Variants in NPAP1 observed in about 807,000 individuals in gnomAD.
NPAP1 encodes the protein nuclear pore-associated protein 1.
For missense variants in NPAP1, 1,483 were observed against 1,454.5 expected (o/e 1.02, Z -0.32); for synonymous variants, 616 against 581.4 (o/e 1.06, Z -0.86).
rs2048990014 is a variant in NPAP1, at chr15:24,678,096, A to G, written c.2229A>G (p.Gln743=). 1 of 1,613,552 alleles carries G rather than the reference A, an allele frequency of 6.2e-7. No individual in the cohort carries two copies. The highest frequency in any genetic ancestry group is 8.5e-7 in the Non-Finnish European group (1 of 1,179,944). ...CCAGCGGCAACACTGCCTCAGTCCA[A>G]GGCTCCACCAGTTTGCCTGCACAGT... ...TQPSGNTASV[Q]GSTSLPAQSV... Residue 743 remains glutamine (Q), a synonymous_variant, in exon 1 of 1, where the codon CAA becomes CAG. Coordinates refer to ENST00000329468, the MANE Select transcript of NPAP1 (RefSeq NM_018958.3).
chr15:24,676,400 C>G lies in NPAP1; in HGVS notation c.533C>G (p.Thr178Ser), dbSNP rs200484163. The G allele has an allele frequency of 6.3e-7, 1 of 1,580,860 alleles. No homozygotes were observed. Among genetic ancestry groups the G allele is most frequent in the South Asian group, 1.2e-5 (1 of 85,166 alleles). The change falls in exon 1 of 1, where the codon ACC becomes AGC. Residue 178 changes from threonine (T) to serine (S), a missense_variant. Transcript: ENST00000329468. ...GAAGGGGAGGATGACGAGAAAAGGACCCCCCTTAGCAGCGGAGAAGCATCG... is the reference window on the plus strand; with the variant it reads ...GAAGGGGAGGATGACGAGAAAAGGAGCCCCCTTAGCAGCGGAGAAGCATCG... ...QIEGEDDEKR[T>S]PLSSGEASST...
rs1595616287 is a variant in NPAP1, at chr15:24,678,163, C to A, written c.2296C>A (p.Pro766Thr). The change falls in exon 1 of 1, where the codon CCA becomes ACA. Residue 766 changes from proline to threonine, a missense_variant. Transcript: ENST00000329468. ...PATASNHPLN[P>T]GATPQPKFGA... is the part of the protein sequence containing the mutation. ...TACAGCTTCCAACCATCCTTTAAATCCAGGAGCCACCCCTCAACCCAAATT... is the reference window on the plus strand; with the variant it reads ...TACAGCTTCCAACCATCCTTTAAATACAGGAGCCACCCCTCAACCCAAATT... 3 of 1,607,770 alleles carry A rather than the reference C, an allele frequency of 1.9e-6. No individual in the cohort carries two copies. Among genetic ancestry groups the A allele is most frequent in the Admixed American group, 1.7e-5 (1 of 59,284 alleles).
rs552352809 is a variant in NPAP1 at position 24,682,824 on chromosome 15, T to C, written c.*3486T>C. On this transcript the variant is annotated 3_prime_UTR_variant, in exon 1 of 1. Coordinates refer to ENST00000329468, the MANE Select transcript of NPAP1 (RefSeq NM_018958.3). Reference sequence around the variant, plus strand: ...TGAATCCCTTCCTTTTCCAGAAACCTTGAGCCTCCTCCACTGGTTTGGGAG... The same window carrying C: ...TGAATCCCTTCCTTTTCCAGAAACCCTGAGCCTCCTCCACTGGTTTGGGAG... 22 of 167,222 alleles carry C rather than the reference T, an allele frequency of 1.3e-4. No individual in the cohort carries two copies. The Admixed American group carries it at 1.4e-3, about 10-fold the overall frequency. 10.4% of individuals were successfully genotyped at this position (167,222 alleles called of 1,614,324 possible).
chr15:24,679,312 A>G lies in NPAP1; in HGVS notation c.3445A>G (p.Arg1149Gly), dbSNP rs2049001803. 1 of 1,613,052 alleles carries G rather than the reference A, an allele frequency of 6.2e-7. No homozygotes were observed. The highest frequency in any genetic ancestry group is 8.5e-7 in the Non-Finnish European group (1 of 1,179,604). ...CTATGGACAAGAAACATATGTTAGG[A>G]GACATGTCTGTTTCCAACTTCCGTA... ...HYYGQETYVR[R>G]HVCFQLP Residue 1149 changes from arginine to glycine, a missense_variant, in exon 1 of 1, where the codon AGA becomes GGA. Arg to Gly is a moderately radical substitution (Grantham distance 125). Coordinates refer to ENST00000329468, the MANE Select transcript of NPAP1 (RefSeq NM_018958.3).
At position 24,677,858 on chromosome 15, in the gene NPAP1, C is replaced by T. The variant is rs1342340248; in HGVS notation, c.1991C>T (p.Ala664Val). The T allele has an allele frequency of 6.2e-7, 1 of 1,613,862 alleles. No homozygotes were observed. The highest frequency in any genetic ancestry group is 8.5e-7 in the Non-Finnish European group (1 of 1,179,988). The change falls in exon 1 of 1, where the codon GCC (alanine) becomes GTC (valine). Residue 664 changes from alanine to valine, a missense_variant. Transcript: ENST00000329468. Reference sequence around the variant, plus strand: ...CCGCAGAAAGCTTCTCTCCCCAGTGCCTGTGTTTTCCTGAGCCTTCCCATC... The same window carrying T: ...CCGCAGAAAGCTTCTCTCCCCAGTGTCTGTGTTTTCCTGAGCCTTCCCATC... ...GQPQKASLPSACVFLSLPIIP... is the reference protein window; with the variant it reads ...GQPQKASLPSVCVFLSLPIIP...
At position 24,676,624 on chromosome 15, in the gene NPAP1, G is replaced by A. The variant is rs1563102; in HGVS notation, c.757G>A (p.Gly253Arg). ...HSQAGCARHL[G>R]KPDPDATAPP... ...CCAGGCCGGATGTGCCCGGCATCTT[G>A]GAAAGCCTGATCCGGATGCAACAGC... is the stretch of plus-strand genomic sequence containing the variant. Residue 253 changes from glycine to arginine, a missense_variant, in exon 1 of 1, where the codon GGA becomes AGA. By Grantham distance (125) the Gly-to-Arg change is moderately radical (BLOSUM62 -2). Coordinates refer to ENST00000329468, the MANE Select transcript of NPAP1 (RefSeq NM_018958.3). 6.2e-7 allele frequency: 1 copy of A among 1,613,608 alleles called. No individual in the cohort carries two copies. The highest frequency in any genetic ancestry group is 8.5e-7 in the Non-Finnish European group (1 of 1,179,844).
rs762382044 is a variant in NPAP1 at position 24,678,567 on chromosome 15, A to G, written c.2700A>G (p.Thr900=). ...ATACAGGATCCATCTCTCATTCCAC[A>G]CTTGGGGCCACTGATGGGCAGCAGA... ...PLNTGSISHS[T]LGATDGQQKS... Residue 900 remains threonine (T), a synonymous_variant, in exon 1 of 1, where the codon ACA becomes ACG. Transcript: ENST00000329468. The G allele has an allele frequency of 3.1e-6, 5 of 1,613,992 alleles. No homozygotes were observed. The highest frequency in any genetic ancestry group is 4.2e-6 in the Non-Finnish European group (5 of 1,180,046).
rs779832276 is a variant in NPAP1 at position 24,678,865 on chromosome 15, A to G, written c.2998A>G (p.Asn1000Asp). 1.2e-6 allele frequency: 2 copies of G among 1,614,184 alleles called. No individual in the cohort carries two copies. Among genetic ancestry groups the G allele is most frequent in the Non-Finnish European group, 1.7e-6 (2 of 1,180,030 alleles). The change falls in exon 1 of 1, where the codon AAT (asparagine) becomes GAT (aspartate). Residue 1000 changes from asparagine to aspartate, a missense_variant. Transcript: ENST00000329468. ...GTGDSTLLVG[N>D]TIPGPQVIMG... ...TGGAGACAGTACCTTACTGGTTGGA[A>G]ATACTATTCCAGGCCCACAAGTGAT...
Position 24,677,355 on chromosome 15 carries a change from C to T in NPAP1, c.1488C>T (p.Asp496=), listed in dbSNP as rs201829408. The T allele has an allele frequency of 3.0e-5, 48 of 1,613,588 alleles. No individual in the cohort carries two copies. The highest frequency in any genetic ancestry group is 1.7e-5 in the Admixed American group (1 of 59,970). ...TAGGAGCAGCGCCTCTCACTTCTGA[C>T]CCCCCAACACCTCCTAGCTCCACAC... ...SVVGAAPLTS[D]PPTPPSSTPS... Residue 496 remains aspartate (D), a synonymous_variant, in exon 1 of 1, where the codon GAC becomes GAT. Coordinates refer to ENST00000329468, the MANE Select transcript of NPAP1 (RefSeq NM_018958.3).
At position 24,676,743 on chromosome 15, in the gene NPAP1, G is replaced by A. The variant is rs2141308687; in HGVS notation, c.876G>A (p.Leu292=). 6.2e-7 allele frequency: 1 copy of A among 1,613,934 alleles called. No homozygotes were observed. The highest frequency in any genetic ancestry group is 8.5e-7 in the Non-Finnish European group (1 of 1,180,032). ...NEEPPPSSLG[L]PIPLMSGKRM... The stretch of plus-strand genomic sequence containing the variant: ...AGCCACCGCCCAGCTCCCTAGGCTT[G>A]CCGATTCCGCTGATGTCCGGAAAGA... Residue 292 remains leucine, a synonymous_variant, in exon 1 of 1, where the codon TTG becomes TTA. Coordinates refer to ENST00000329468, the MANE Select transcript of NPAP1 (RefSeq NM_018958.3).
In NPAP1 at chr15:24,678,131, C is replaced by T. The variant is rs2141311924; in HGVS notation, c.2264C>T (p.Ala755Val). 6.2e-7 allele frequency: 1 copy of T among 1,612,936 alleles called. No homozygotes were observed. The highest frequency in any genetic ancestry group is 8.5e-7 in the Non-Finnish European group (1 of 1,179,744). ...STSLPAQSVR[A>V]PATASNHPLN... is the part of the protein sequence containing the mutation. ...AGTTTGCCTGCACAGTCAGTCAGGGCACCAGCTACAGCTTCCAACCATCCT... is the reference window on the plus strand; with the variant it reads ...AGTTTGCCTGCACAGTCAGTCAGGGTACCAGCTACAGCTTCCAACCATCCT... The change falls in exon 1 of 1, where the codon GCA (alanine) becomes GTA (valine). Residue 755 changes from alanine to valine, a missense_variant. Coordinates refer to ENST00000329468, the MANE Select transcript of NPAP1 (RefSeq NM_018958.3).
rs1033501523 is a variant in NPAP1 at position 24,681,780 on chromosome 15, T to TGATA, written c.*2451_*2454dup. The TGATA allele has an allele frequency of 1.2e-5, 2 of 166,634 alleles. No individual in the cohort carries two copies. The highest frequency in any genetic ancestry group is 4.2e-4 in the South Asian group (2 of 4,806). 10.3% of individuals were successfully genotyped at this position (166,634 alleles called of 1,614,324 possible). On this transcript the variant is annotated 3_prime_UTR_variant, in exon 1 of 1. Coordinates refer to ENST00000329468, the MANE Select transcript of NPAP1 (RefSeq NM_018958.3). ...GAACTGACTAATAAAGATAGATAGATGATAGATAGATACATAGATAGATGA... is the reference window on the plus strand; with the variant it reads ...GAACTGACTAATAAAGATAGATAGATGATAGATAGATAGATACATAGATAGATGA...
rs756981560 is a variant in NPAP1, at chr15:24,678,004, T to A, written c.2137T>A (p.Ser713Thr). The A allele has an allele frequency of 4.3e-6, 7 of 1,614,120 alleles. No individual in the cohort carries two copies. In the Admixed American group the frequency reaches 6.7e-5, roughly 15 times the overall value. The change falls in exon 1 of 1, where the codon TCT (serine) becomes ACT (threonine). Residue 713 changes from serine to threonine, a missense_variant. By Grantham distance (58) the Ser-to-Thr change is moderately conservative (BLOSUM62 1). Coordinates refer to ENST00000329468, the MANE Select transcript of NPAP1 (RefSeq NM_018958.3). The part of the protein sequence containing the change: ...TPPSKAVILQ[S>T]ASVSKKYLPF... The stretch of plus-strand genomic sequence containing the variant: ...TCCTTCCAAGGCTGTCATCTTGCAG[T>A]CTGCCTCTGTCTCCAAGAAGTACCT...
At position 24,679,578 on chromosome 15, in the gene NPAP1, C is replaced by T; in HGVS notation, c.*240C>T. On this transcript the variant is annotated 3_prime_UTR_variant, in exon 1 of 1. Coordinates refer to ENST00000329468, the MANE Select transcript of NPAP1 (RefSeq NM_018958.3). ...GTGGTGCATCTGCAGTGAATGGCAA[C>T]ATATCTTTAATTAGAGGCCCTTGTG... 1.8e-6 allele frequency: 1 copy of T among 545,086 alleles called. No individual in the cohort carries two copies. The highest frequency in any genetic ancestry group is 2.4e-5 in the South Asian group (1 of 41,582). 33.8% of individuals were successfully genotyped at this position (545,086 alleles called of 1,614,324 possible).
chr15:24,680,871 G>A lies in NPAP1; in HGVS notation c.*1533G>A, dbSNP rs2049012826. 1.2e-5 allele frequency: 2 copies of A among 167,108 alleles called. No individual in the cohort carries two copies. Among genetic ancestry groups the A allele is most frequent in the South Asian group, 2.1e-4 (1 of 4,832 alleles). The allele number at this position is 167,108 out of a possible 1,614,324, so 10.4% of individuals were successfully genotyped here. A position where few individuals can be genotyped will look rare whatever the true frequency, so the allele number is the denominator to read the frequency against. ...ATTATCTGGTAAATTAGCCAGTAAC[G>A]AATGCTATGAAAAATAAAGAAGTAC... On this transcript the variant is annotated 3_prime_UTR_variant, in exon 1 of 1. Transcript: ENST00000329468.
rs2141308213 is a variant in NPAP1, at chr15:24,676,527, C to T, written c.660C>T (p.Ser220=). ...GNVYHKFSEN[S]MSEKAQASPA... is the part of the protein sequence containing the mutation. ...TCTACCACAAGTTCTCAGAAAACAG[C>T]ATGAGTGAGAAGGCCCAGGCGTCTC... Residue 220 remains serine, a synonymous_variant, in exon 1 of 1, where the codon AGC becomes AGT. Transcript: ENST00000329468. 2 of 1,614,128 alleles carry T rather than the reference C, an allele frequency of 1.2e-6. No individual in the cohort carries two copies. The highest frequency in any genetic ancestry group is 8.5e-7 in the Non-Finnish European group (1 of 1,180,024).
chr15:24,678,286 G>C lies in NPAP1; in HGVS notation c.2419G>C (p.Val807Leu), dbSNP rs2048991656. ...GGTTCCTCCAGACACCTCCACTTTA[G>C]TGAGCAGTGCCTCTGCAGCATCGTT... ...IMVPPDTSTLVSSASAASLSK... is the reference protein window; with the variant it reads ...IMVPPDTSTLLSSASAASLSK... The change falls in exon 1 of 1, where the codon GTG (valine) becomes CTG (leucine). Residue 807 changes from valine (V) to leucine (L), a missense_variant. By Grantham distance (32) the Val-to-Leu change is conservative (BLOSUM62 1). Coordinates refer to ENST00000329468, the MANE Select transcript of NPAP1 (RefSeq NM_018958.3). 1.2e-6 allele frequency: 2 copies of C among 1,614,120 alleles called. No homozygotes were observed. The highest frequency in any genetic ancestry group is 4.5e-5 in the East Asian group (2 of 44,876).
At position 24,677,175 on chromosome 15, in the gene NPAP1, C is replaced by A. The variant is rs2048982468; in HGVS notation, c.1308C>A (p.Pro436=). Residue 436 remains proline (P), a synonymous_variant, in exon 1 of 1, where the codon CCC becomes CCA. Coordinates refer to ENST00000329468, the MANE Select transcript of NPAP1 (RefSeq NM_018958.3). The part of the protein sequence containing the change: ...IPDLADLATG[P]LILPIPPLST... ...ACTTGGCTGACCTGGCTACTGGACC[C>A]CTCATCCTGCCTATCCCTCCACTTT... 1 of 1,613,914 alleles carries A rather than the reference C, an allele frequency of 6.2e-7. No homozygotes were observed. Among genetic ancestry groups the A allele is most frequent in the Admixed American group, 1.7e-5 (1 of 59,996 alleles).
chr15:24,682,430 A>G lies in NPAP1; in HGVS notation c.*3092A>G, dbSNP rs1423364908. ...ATGATCCTGGTAAGACAAACTTTGA[A>G]TAAATGTGTGAGAGATACAAAGATA... On this transcript the variant is annotated 3_prime_UTR_variant, in exon 1 of 1. Transcript: ENST00000329468. The G allele has an allele frequency of 4.2e-5, 7 of 166,656 alleles. No homozygotes were observed. Among genetic ancestry groups the G allele is most frequent in the African/African-American group, 1.7e-4 (7 of 41,460 alleles). 10.3% of individuals were successfully genotyped at this position (166,656 alleles called of 1,614,324 possible).
Sources: gnomAD v4.1 joint callset for allele counts on GRCh38, gnomAD v4.1.1 for gene constraint, MANE v1.5 for transcripts, NCBI Gene and HGNC (gene_info 2026-07-23, HGNC 2026-07-21) for gene names.